Variants in SERINC3 observed in about 807,000 individuals in gnomAD.
SERINC3 encodes tumor differentially expressed protein 1.
SERINC3 carries 22 observed loss-of-function variants against 52.1 expected under a neutral mutation model. The observed-to-expected ratio is 0.42, with a 90% CI of 0.30 to 0.60. The LOEUF is 0.60. Among genes scored for constraint, SERINC3 ranks in the 20% least tolerant of loss-of-function variants. SERINC3 has a pLI of 0.16. For synonymous variants in SERINC3, 226 were observed against 212.7 expected (o/e 1.06, Z -0.54); for missense variants, 564 against 584.6 (o/e 0.96, Z 0.36).
At chr20:44,505,930 T>C (rs1393369947) in intron 6 of SERINC3, among the ~76,000 whole-genome samples, 1 of 152,116 alleles carries the variant, frequency 6.6e-6, no homozygotes, top group African/African-American at 2.4e-5. Context: ...CTCAAGAGCA[T>C]GAGTTTTGTT....
Position 44,522,033 on chromosome 20 carries a change from A to G in SERINC3, c.-82T>C, listed in dbSNP as rs2064421296. The G allele has an allele frequency of 1.3e-5, 19 of 1,409,384 alleles. No individual in the cohort carries two copies. The South Asian group carries it at 1.6e-4, about 12-fold the overall frequency. 87.3% of individuals were successfully genotyped at this position (1,409,384 alleles called of 1,614,324 possible). On this transcript the variant is annotated 5_prime_UTR_variant, in exon 1 of 10. Coordinates refer to ENST00000342374, the MANE Select transcript of SERINC3 (RefSeq NM_006811.4). ...ACTGCCAGCTGAGGTGACTCCCCAG[A>G]AACATGACGGTTTCTCAGGCCGGAA...
At chr20:44,501,042 G>T in intron 9 of SERINC3, 31 bp downstream of exon 9, 1 of 1,518,156 alleles carries the variant, frequency 6.6e-7, no homozygotes, top group Non-Finnish European at 9.1e-7. Flanking sequence ...GGGTTTTATG[G>T]TCTTCTGTCT....
intron 6 of SERINC3, among the ~76,000 whole-genome samples, chr20:44,506,584 CAAAAAAAA>C (rs1191331026): frequency 7.0e-5 from 1 of 14,254 alleles, no homozygotes; most frequent in African/African-American, 2.4e-4. Flanking sequence ...GACTCCATCT[CAAAAAAAA>C]AAAAAAAAAA....
chr20:44,510,188 G>A (rs2064338491), intron 4 of SERINC3, among the ~76,000 whole-genome samples, 160 bp from the exon 5 acceptor site: 1 of 152,184 alleles, frequency 6.6e-6, no homozygotes, highest in South Asian at 2.1e-4. Flanking sequence ...ATTCTTAAAA[G>A]CTTTCTACTG....
At chr20:44,501,751 A>C (rs2123032112) in intron 8 of SERINC3, among the ~76,000 whole-genome samples, 1 of 152,334 alleles carries the variant, frequency 6.6e-6, no homozygotes, top group Non-Finnish European at 1.5e-5. Flanking sequence ...TCCTTCTGCC[A>C]CTGCACATAT....
chr20:44,521,826 T>G, intron 1 of SERINC3, 87 bp downstream of exon 1: 1 of 1,376,174 alleles, frequency 7.3e-7, no homozygotes, highest in Admixed American at 2.0e-5. Context: ...CCCGAGAGCC[T>G]CTGGAGCCAA....
Position 44,500,191 on chromosome 20 carries a change from A to C in SERINC3, c.*105T>G. On this transcript the variant is annotated 3_prime_UTR_variant, in exon 10 of 10. Coordinates refer to ENST00000342374, the MANE Select transcript of SERINC3 (RefSeq NM_006811.4). ...TAAACCTGCATACAGTCAAACTTGC[A>C]AAGCATTCACTTAATATTTTAGTTG... 1 of 1,254,544 alleles carries C rather than the reference A, an allele frequency of 8.0e-7. No homozygotes were observed. 77.7% of individuals were successfully genotyped at this position (1,254,544 alleles called of 1,614,324 possible). A position where few individuals can be genotyped will look rare whatever the true frequency, so the allele number is the denominator to read the frequency against.
At chr20:44,518,244 T>A (rs1410672133) in intron 1 of SERINC3, among the ~76,000 whole-genome samples, 1 of 146,084 alleles carries the variant, frequency 6.8e-6, no homozygotes, top group Admixed American at 7.2e-5. Context: ...GCAGATCACC[T>A]GAGGTCAGGA....
At chr20:44,516,453 C>T (rs1003028391) in intron 1 of SERINC3, among the ~76,000 whole-genome samples, 5 of 151,764 alleles carry the variant, frequency 3.3e-5, no homozygotes, top group Admixed American at 1.3e-4. Flanking sequence ...AGTGCAGTAA[C>T]GCCATCTCGG....
intron 6 of SERINC3, among the ~76,000 whole-genome samples, chr20:44,505,297 A>G (rs1393665454): frequency 1.3e-5 from 2 of 152,176 alleles, no homozygotes; most frequent in East Asian, 1.9e-4. Flanking sequence ...TTTCATATCT[A>G]TAACTCCATG....
chr20:44,507,156 T>C (rs190679046), intron 5 of SERINC3, among the ~76,000 whole-genome samples, 160 bp from the exon 6 acceptor site: 4 of 152,344 alleles, frequency 2.6e-5, no homozygotes, highest in Admixed American at 2.0e-4. Context: ...AGTATCAAGA[T>C]TGTATTCAAT....
At chr20:44,516,606 G>A (rs1350388648) in intron 1 of SERINC3, among the ~76,000 whole-genome samples, 1 of 152,014 alleles carries the variant, frequency 6.6e-6, no homozygotes, top group Non-Finnish European at 1.5e-5. Context: ...TGGCCAGGCT[G>A]GTCTCGAATT....
chr20:44,519,006 C>T (rs1210478835), intron 1 of SERINC3, among the ~76,000 whole-genome samples: 2 of 151,656 alleles, frequency 1.3e-5, no homozygotes, highest in Admixed American at 6.6e-5. Context: ...GTTCTAACCG[C>T]CCCCTTTGAG....
Position 44,504,674 on chromosome 20 carries a change from C to T in SERINC3, c.874+127G>A, listed in dbSNP as rs560413562. On this transcript the variant is annotated intron_variant, in intron 7 of 9. Coordinates refer to ENST00000342374, the MANE Select transcript of SERINC3 (RefSeq NM_006811.4). ...TAAATACCTACAAACCTACAGTGAA[C>T]ACTGTACGTTTAAGTTTTGTTTGCT... 1.3e-5 allele frequency: 9 copies of T among 689,488 alleles called. No homozygotes were observed. The South Asian group carries it at 1.6e-4, about 12-fold the overall frequency. The allele number at this position is 689,488 out of a possible 1,614,324, so 42.7% of individuals were successfully genotyped here. A position where few individuals can be genotyped will look rare whatever the true frequency, so the allele number is the denominator to read the frequency against.
chr20:44,522,056 G>A lies in SERINC3; in HGVS notation c.-105C>T. 7.9e-7 allele frequency: 1 copy of A among 1,261,310 alleles called. No individual in the cohort carries two copies. The highest frequency in any genetic ancestry group is 1.1e-6 in the Non-Finnish European group (1 of 891,396). 78.1% of individuals were successfully genotyped at this position (1,261,310 alleles called of 1,614,324 possible). On this transcript the variant is annotated 5_prime_UTR_variant, in exon 1 of 10. Coordinates refer to ENST00000342374, the MANE Select transcript of SERINC3 (RefSeq NM_006811.4). The stretch of plus-strand genomic sequence containing the variant: ...AGAAACATGACGGTTTCTCAGGCCG[G>A]AAACGCAGCCTTCCACAGACGCACG...
At position 44,501,049 on chromosome 20, in the gene SERINC3, G is replaced by C. The variant is rs530411291; in HGVS notation, c.1283+24C>G. The C allele has an allele frequency of 5.8e-6, 9 of 1,551,922 alleles. No individual in the cohort carries two copies. In the African/African-American group the frequency reaches 1.2e-4, roughly 21 times the overall value. On this transcript the variant is annotated intron_variant, in intron 9 of 9. Transcript: ENST00000342374. ...CCATCCAAGGGTTTTATGGTCTTCT[G>C]TCTGTTTTGTCTGTGTCTCCTACCT... is the stretch of plus-strand genomic sequence containing the variant.
chr20:44,513,711 G>A, intron 2 of SERINC3, among the ~76,000 whole-genome samples, 168 bp downstream of exon 2: 1 of 152,042 alleles, frequency 6.6e-6, no homozygotes, highest in Non-Finnish European at 1.5e-5. Context: ...CTGTATTTCT[G>A]GAAAAGGACT....
chr20:44,521,574 G>A (rs2064416741), intron 1 of SERINC3, among the ~76,000 whole-genome samples: 1 of 152,232 alleles, frequency 6.6e-6, no homozygotes, highest in Non-Finnish European at 1.5e-5. Flanking sequence ...CTTAAGAGGT[G>A]CTTCGGGAGG....
At chr20:44,502,297 GA>G (rs2064284729) in intron 8 of SERINC3, among the ~76,000 whole-genome samples, 1 of 152,186 alleles carries the variant, frequency 6.6e-6, no homozygotes, top group Non-Finnish European at 1.5e-5. Context: ...TCAATATATA[GA>G]AATCAGGACT....
Sources: allele counts gnomAD v4.1 joint callset (sites outside exome capture counted in the v4.1 genomes callset), GRCh38; gene constraint gnomAD v4.1.1; transcripts MANE v1.5; gene names NCBI Gene and HGNC (gene_info 2026-07-23, HGNC 2026-07-21).